MAGI1: variants seen among roughly 807,000 people sequenced by gnomAD.
MAGI1 encodes the protein membrane-associated guanylate kinase, WW and PDZ domain-containing protein 1.
MAGI1 carries 58 observed loss-of-function variants against 139.9 expected under a neutral mutation model. The observed-to-expected ratio is 0.41, with a 90% CI of 0.34 to 0.52. MAGI1 has a LOEUF of 0.52. MAGI1 is among the 20% of genes least tolerant of loss of function. The pLI is 0.12. For missense variants in MAGI1, 1,874 were observed against 1,901.6 expected (o/e 0.99, Z 0.27); for synonymous variants, 812 against 737.9 (o/e 1.10, Z -1.63).
chr3:65,710,280 T>C (rs2031181094), intron 1 of MAGI1, among the ~76,000 whole-genome samples: 1 of 139,646 alleles, frequency 7.2e-6, no homozygotes, highest in African/African-American at 2.7e-5. Context: ...TTTTTTTTTT[T>C]TTTTTTTTTT....
chr3:65,364,919 T>G lies in MAGI1; in HGVS notation c.3224A>C (p.Asn1075Thr). ...DESSNATLLT[N>T]AEKIATITTT... is the part of the protein sequence containing the mutation. ...GGTGATGGTGGCAATCTTCTCTGCA[T>G]TGGTCAGCAAGGTGGCATTCGAGGA... Residue 1075 changes from asparagine to threonine, a missense_variant, in exon 19 of 23, where the codon AAT becomes ACT. Around this residue, in one of 5 missense-constraint regions of MAGI1, gnomAD observed 653 missense variants for 644.5 expected, o/e 1.01. Coordinates refer to ENST00000402939, the MANE Select transcript of MAGI1 (RefSeq NM_001033057.2). 13 of 1,613,924 alleles carry G rather than the reference T, an allele frequency of 8.1e-6. No individual in the cohort carries two copies. Among genetic ancestry groups the G allele is most frequent in the Non-Finnish European group, 1.1e-5 (13 of 1,179,912 alleles).
chr3:65,647,453 T>A (rs530832635), intron 1 of MAGI1, among the ~76,000 whole-genome samples: 2 of 152,028 alleles, frequency 1.3e-5, no homozygotes, highest in Non-Finnish European at 2.9e-5. Flanking sequence ...AGTGGACCAG[T>A]ATCTCCCACA....
intron 10 of MAGI1, 66 bp from the exon 11 acceptor site, chr3:65,430,947 T>A: frequency 6.9e-7 from 1 of 1,446,832 alleles, no homozygotes; most frequent in Non-Finnish European, 9.6e-7. Context: ...AAACAAGATT[T>A]GAGACAACAT....
chr3:65,818,304 A>G (rs767795919), intron 1 of MAGI1, among the ~76,000 whole-genome samples: 3 of 152,132 alleles, frequency 2.0e-5, no homozygotes, highest in Non-Finnish European at 4.4e-5. Context: ...CTGAGGCTCC[A>G]TTTGCCAAGC....
chr3:65,357,115 G>A lies in MAGI1; in HGVS notation c.3652C>T (p.His1218Tyr), dbSNP rs778997395. The change falls in exon 23 of 23, where the codon CAC (histidine) becomes TAC (tyrosine). Residue 1218 changes from histidine (H) to tyrosine (Y), a missense_variant. Physicochemically the swap from His to Tyr is moderately conservative, Grantham distance 83. Coordinates refer to ENST00000402939, the MANE Select transcript of MAGI1 (RefSeq NM_001033057.2). ...VPEYDPSSDR[H>Y]GPATGPQGVP... ...CCTTGTGGACCGGTGGCGGGGCCGTGGCGGTCGCTGCTGGGGTCTGCCAGG... is the reference window on the plus strand; with the variant it reads ...CCTTGTGGACCGGTGGCGGGGCCGTAGCGGTCGCTGCTGGGGTCTGCCAGG... The A allele has an allele frequency of 2.5e-6, 4 of 1,611,884 alleles. No individual in the cohort carries two copies. Among genetic ancestry groups the A allele is most frequent in the Non-Finnish European group, 3.4e-6 (4 of 1,178,810 alleles).
chr3:65,950,448 T>C (rs1168190796), intron 1 of MAGI1, among the ~76,000 whole-genome samples: 2 of 152,120 alleles, frequency 1.3e-5, no homozygotes, highest in African/African-American at 2.4e-5. Context: ...GCCCTCGCTG[T>C]TGAAGGATCC....
intron 1 of MAGI1, among the ~76,000 whole-genome samples, chr3:65,860,719 G>A (rs1003224972): frequency 5.9e-5 from 9 of 152,166 alleles, no homozygotes; most frequent in Non-Finnish European, 1.0e-4. Flanking sequence ...GGCAGGATGC[G>A]TGCGGTAGGT....
At chr3:65,551,071 T>C (rs985825070) in intron 2 of MAGI1, among the ~76,000 whole-genome samples, 8 of 152,146 alleles carry the variant, frequency 5.3e-5, no homozygotes, top group Non-Finnish European at 8.8e-5. Context: ...GTAATCCCCA[T>C]GTGTGGAGGG....
intron 1 of MAGI1, among the ~76,000 whole-genome samples, chr3:65,770,816 G>C (rs141836652): frequency 0.014 from 2,188 of 151,980 alleles, 48 homozygotes; most frequent in African/African-American, 0.05. Flanking sequence ...AGCCTCCCAA[G>C]TAGCTGGGAC....
At position 66,034,175 on chromosome 3, in the gene MAGI1, G is replaced by A. The variant is rs531389968; in HGVS notation, c.313+3821C>T. ...CCCCCCAACCCCAACCCCATCCCCC[G>A]CAAAGCTTCTGAATTGGTAGAACTA... On this transcript the variant is annotated intron_variant, in intron 1 of 22. Transcript: ENST00000402939. Among the ~76,000 whole-genome samples the A allele has an allele frequency of 5.4e-3, 404 of 75,128 alleles. 7 individuals are homozygous for A. Among genetic ancestry groups the A allele is most frequent in the African/African-American group, 8.4e-3 (162 of 19,188 alleles). The allele number at this position is 75,128 out of a possible 152,430, so 49.3% of individuals were successfully genotyped here. A position where few individuals can be genotyped will look rare whatever the true frequency, so the allele number is the denominator to read the frequency against.
At chr3:65,929,554 C>T (rs1340010724) in intron 1 of MAGI1, among the ~76,000 whole-genome samples, 3 of 151,932 alleles carry the variant, frequency 2.0e-5, no homozygotes, top group South Asian at 2.1e-4. Context: ...AGGATGGTCT[C>T]GATCTCCTGA....
chr3:65,926,953 C>A (rs2062558433), intron 1 of MAGI1, among the ~76,000 whole-genome samples: 1 of 152,160 alleles, frequency 6.6e-6, no homozygotes, highest in African/African-American at 2.4e-5. Context: ...CGAGATTGCG[C>A]CATTGCACAC....
intron 1 of MAGI1, among the ~76,000 whole-genome samples, chr3:65,934,855 A>G (rs1280973538): frequency 6.6e-6 from 1 of 152,024 alleles, no homozygotes; most frequent in Non-Finnish European, 1.5e-5. Flanking sequence ...TCAATAAGTA[A>G]TCTGCACCAA....
intron 1 of MAGI1, among the ~76,000 whole-genome samples, chr3:65,898,375 G>C (rs1246281664): frequency 3.3e-5 from 5 of 152,146 alleles, no homozygotes; most frequent in African/African-American, 1.2e-4. Flanking sequence ...TAATATGGAA[G>C]AGTTTAGTGT....
At position 65,429,606 on chromosome 3, in the gene MAGI1, A is replaced by G. The variant is rs535566803; in HGVS notation, c.2081T>C (p.Val694Ala). Reference sequence around the variant, plus strand: ...CACTTGGTTGTGAGTTAGGGCCTGCACGTTCTTCTTATTAACTTCCACTAT... The same window carrying G: ...CACTTGGTTGTGAGTTAGGGCCTGCGCGTTCTTCTTATTAACTTCCACTAT... Reference protein sequence around the residue: ...DLIVEVNKKNVQALTHNQVVD... With the variant: ...DLIVEVNKKNAQALTHNQVVD... Residue 694 changes from valine to alanine, a missense_variant, in exon 12 of 23, where the codon GTG becomes GCG. Transcript: ENST00000402939. The G allele has an allele frequency of 1.3e-5, 21 of 1,613,964 alleles. 1 individual carries two copies. In the Admixed American group the frequency reaches 3.5e-4, roughly 27 times the overall value.
At chr3:65,997,373 T>A (rs942216380) in intron 1 of MAGI1, among the ~76,000 whole-genome samples, 1 of 152,018 alleles carries the variant, frequency 6.6e-6, no homozygotes, top group African/African-American at 2.4e-5. Context: ...AAAAATAATA[T>A]CAGCCAGGCG....
intron 12 of MAGI1, among the ~76,000 whole-genome samples, chr3:65,402,173 G>C (rs943282888): frequency 3.3e-5 from 5 of 152,162 alleles, no homozygotes; most frequent in Non-Finnish European, 7.4e-5. Context: ...GAAAGGAATG[G>C]AGCAGGATTA....
At chr3:65,674,109 A>G (rs1489649511) in intron 1 of MAGI1, among the ~76,000 whole-genome samples, 1 of 152,212 alleles carries the variant, frequency 6.6e-6, no homozygotes, top group East Asian at 1.9e-4. Context: ...ACGACAGCTC[A>G]ATAAGGTTAG....
intron 1 of MAGI1, chr3:65,688,383 T>G (rs2088262408): frequency 1.7e-6 from 1 of 582,052 alleles, no homozygotes; most frequent in Admixed American, 2.1e-5. Context: ...CAGTAGTCAT[T>G]AGAGAAAAAG....
Sources: gnomAD v4.1 joint callset for allele counts (sites outside exome capture counted in the v4.1 genomes callset) on GRCh38, gnomAD v4.1.1 for gene constraint, gnomAD v4.1.1 regional missense constraint, MANE v1.5 for transcripts, NCBI Gene and HGNC (gene_info 2026-07-23, HGNC 2026-07-21) for gene names.